Variants in EML2 observed in about 807,000 individuals in gnomAD.
EML2 encodes the protein EMAP like 2.
EML2 carries 59 observed loss-of-function variants against 84.7 expected under a neutral mutation model. The observed-to-expected ratio is 0.70, with a 90% CI of 0.56 to 0.86. EML2 has a LOEUF of 0.86. EML2 is among the 40% of genes least tolerant of loss of function. The probability of loss-of-function intolerance (pLI) is 0.00; values close to 1 mark genes in which losing one functional copy is unlikely to be tolerated. For missense variants in EML2, 818 were observed against 855.6 expected (o/e 0.96, Z 0.55); for synonymous variants, 352 against 348.9 (o/e 1.01, Z -0.10).
rs759351747 is a variant in EML2, at chr19:45,619,126, C to T, written c.1188G>A (p.Gly396=). The T allele has an allele frequency of 3.1e-6, 5 of 1,613,066 alleles. No homozygotes were observed. In the East Asian group the frequency reaches 8.9e-5, roughly 29 times the overall value. Residue 396 remains glycine, a synonymous_variant, in exon 12 of 19, where the codon GGG becomes GGA. Transcript: ENST00000245925. ...HPSRAQFVTC[G]QDKLVHLWSS... ...TCCATAGATGCACCAGCTTATCCTGCCCGCAGGTCACAAACTGGGCCCGAC... is the reference window on the plus strand; with the variant it reads ...TCCATAGATGCACCAGCTTATCCTGTCCGCAGGTCACAAACTGGGCCCGAC...
At chr19:45,617,753 G>A (rs1327617483) in intron 12 of EML2, 56 bp from the exon 13 acceptor site, 2 of 1,542,446 alleles carry the variant, frequency 1.3e-6, no homozygotes, top group Non-Finnish European at 1.8e-6. Context: ...TGTCCATCTG[G>A]ACATTCTCTT....
chr19:45,630,278 G>A (rs1972868363), intron 6 of EML2, among the ~76,000 whole-genome samples: 1 of 152,072 alleles, frequency 6.6e-6, no homozygotes. Context: ...AAAAAGCCAG[G>A]CGTGGTGGCT....
At chr19:45,618,195 C>G (rs1971298423) in intron 12 of EML2, among the ~76,000 whole-genome samples, 1 of 151,326 alleles carries the variant, frequency 6.6e-6, no homozygotes, top group South Asian at 2.1e-4. Flanking sequence ...TCCCAAGTAG[C>G]TGACATTACA....
chr19:45,634,999 C>T (rs539947397), intron 3 of EML2, among the ~76,000 whole-genome samples: 27 of 151,830 alleles, frequency 1.8e-4, no homozygotes, highest in Non-Finnish European at 2.2e-4. Context: ...TACAGACACA[C>T]GCCACCACAC....
chr19:45,645,521 G>T (rs1974973457), upstream of EML2: 2 of 1,301,040 alleles, frequency 1.5e-6, no homozygotes, highest in South Asian at 3.2e-5. Context: ...TGCCCAGAAA[G>T]GGGGGTCGGG....
Position 45,638,461 on chromosome 19 carries a change from C to T in EML2, c.179+44G>A, listed in dbSNP as rs1386153064. ...TGCCTTGACCGCCTTTCTATTTCCT[C>T]CTGGGGGGATGGGAGCACCAAGGAG... On this transcript the variant is annotated intron_variant, in intron 3 of 18. Coordinates refer to ENST00000245925, the MANE Select transcript of EML2 (RefSeq NM_012155.4). 1.9e-6 allele frequency: 3 copies of T among 1,612,934 alleles called. No homozygotes were observed. In the South Asian group the frequency reaches 3.3e-5, roughly 18 times the overall value.
intron 17 of EML2, among the ~76,000 whole-genome samples, chr19:45,614,162 C>T (rs1970777335): frequency 6.6e-6 from 1 of 152,182 alleles, no homozygotes; most frequent in East Asian, 1.9e-4. Context: ...CAAGAGTAGG[C>T]CAGATGCCCC....
chr19:45,627,391 T>C (rs1972494543), intron 7 of EML2, among the ~76,000 whole-genome samples: 1 of 151,674 alleles, frequency 6.6e-6, no homozygotes, highest in Non-Finnish European at 1.5e-5. Context: ...AATAGCTAGA[T>C]TTACAGGGAC....
rs1339863768 is a variant in EML2, at chr19:45,621,189, C to G, written c.1122+18G>C. 1 of 1,612,154 alleles carries G rather than the reference C, an allele frequency of 6.2e-7. No homozygotes were observed. Among genetic ancestry groups the G allele is most frequent in the South Asian group, 1.1e-5 (1 of 91,022 alleles). Reference sequence around the variant, plus strand: ...AAGAGCTGGGAAGAGGGGAGGGGTGCAGAGGAGAGAGGCGCACCTGGACCA... The same window carrying G: ...AAGAGCTGGGAAGAGGGGAGGGGTGGAGAGGAGAGAGGCGCACCTGGACCA... On this transcript the variant is annotated intron_variant, in intron 11 of 18. Transcript: ENST00000245925.
Position 45,626,841 on chromosome 19 carries a change from T to A in EML2, c.607-2A>T, listed in dbSNP as rs751799692. The A allele has an allele frequency of 6.2e-7, 1 of 1,609,664 alleles. No homozygotes were observed. The highest frequency in any genetic ancestry group is 8.5e-7 in the Non-Finnish European group (1 of 1,177,638). Reference sequence around the variant, plus strand: ...CACCAATACAGCCTCATTGGAGCACTTTGGGGGGTGGGGGAGATTCTGAAT... The same window carrying A: ...CACCAATACAGCCTCATTGGAGCACATTGGGGGGTGGGGGAGATTCTGAAT... On this transcript the variant is annotated splice_acceptor_variant, in intron 7 of 18. Coordinates refer to ENST00000245925, the MANE Select transcript of EML2 (RefSeq NM_012155.4). LOFTEE classifies it high-confidence loss of function.
chr19:45,644,670 T>C (rs2122862005), upstream of EML2: 1 of 455,746 alleles, frequency 2.2e-6, no homozygotes, highest in Admixed American at 2.4e-5. Flanking sequence ...ACTTCCCACT[T>C]TTCCCTCCCA....
rs532525103 is a variant in EML2, at chr19:45,619,363, C to G, written c.1123-172G>C. 1.1e-4 allele frequency: 86 copies of G among 758,792 alleles called. No individual in the cohort carries two copies. In the African/African-American group the frequency reaches 1.4e-3, roughly 13 times the overall value. The allele number at this position is 758,792 out of a possible 1,614,324, so 47.0% of individuals were successfully genotyped here. On this transcript the variant is annotated intron_variant, in intron 11 of 18. Transcript: ENST00000245925. ...GGGGGCCTCAATTGGGCATCTGAAC[C>G]CATGCCCTGGTGTGTGACTCAAGGC...
intron 18 of EML2, among the ~76,000 whole-genome samples, chr19:45,612,090 C>T (rs1162603569): frequency 6.6e-6 from 1 of 150,646 alleles, no homozygotes; most frequent in East Asian, 2.0e-4. Context: ...CTCACTCTAT[C>T]GCTCAGTGCA....
At chr19:45,611,831 G>T (rs1970532168) in intron 18 of EML2, among the ~76,000 whole-genome samples, 1 of 151,766 alleles carries the variant, frequency 6.6e-6, no homozygotes, top group African/African-American at 2.4e-5. Context: ...CAATTTAGAG[G>T]GCTAAAAGAT....
intron 6 of EML2, among the ~76,000 whole-genome samples, chr19:45,630,786 G>A (rs1438321826): frequency 6.6e-6 from 1 of 152,148 alleles, no homozygotes; most frequent in Non-Finnish European, 1.5e-5. Context: ...CATATATAGA[G>A]AATGACTGAT....
chr19:45,634,563 T>A (rs575351034), intron 3 of EML2, 92 bp from the exon 4 acceptor site: 3 of 981,952 alleles, frequency 3.1e-6, no homozygotes, highest in East Asian at 4.6e-5. Flanking sequence ...TTAATTTTTT[T>A]ATTTATTTAT....
chr19:45,629,078 T>A (rs1972721007), intron 7 of EML2, among the ~76,000 whole-genome samples: 1 of 152,036 alleles, frequency 6.6e-6, no homozygotes, highest in African/African-American at 2.4e-5. Context: ...CATATCTCCA[T>A]ATCCTCACCA....
rs1265043659 is a variant in EML2, at chr19:45,621,062, AG to A, written c.1122+144del. ...AACTCTTGGTTGCTGGATCCTGGGAAGGGGTCCTGGGTCAGGGCCAGGTCAG... is the reference window on the plus strand; with the variant it reads ...AACTCTTGGTTGCTGGATCCTGGGAAGGGTCCTGGGTCAGGGCCAGGTCAG... On this transcript the variant is annotated intron_variant, in intron 11 of 18. Coordinates refer to ENST00000245925, the MANE Select transcript of EML2 (RefSeq NM_012155.4). The A allele has an allele frequency of 5.6e-6, 7 of 1,245,310 alleles. No homozygotes were observed. In the Admixed American group the frequency reaches 1.4e-4, roughly 25 times the overall value. 77.1% of individuals were successfully genotyped at this position (1,245,310 alleles called of 1,614,324 possible).
At chr19:45,624,873 C>G in intron 8 of EML2, 55 bp from the exon 9 acceptor site, 1 of 1,319,998 alleles carries the variant, frequency 7.6e-7, no homozygotes, top group Non-Finnish European at 1.1e-6. Context: ...AGGTAGCCTC[C>G]CAGAGGTCAT....
Sources: gnomAD v4.1 joint callset for allele counts (sites outside exome capture counted in the v4.1 genomes callset) on GRCh38, gnomAD v4.1.1 for gene constraint, MANE v1.5 for transcripts, NCBI Gene and HGNC (gene_info 2026-07-23, HGNC 2026-07-21) for gene names.